Variants in ICAM2 observed in about 807,000 individuals in gnomAD.
The protein encoded by ICAM2 is ICAM-2.
ICAM2 carries 14 observed loss-of-function variants against 19.1 expected under a neutral mutation model. The ratio of observed to expected loss-of-function variants is 0.73; its 90% CI spans 0.48 to 1.15. The LOEUF (loss-of-function observed/expected upper bound fraction) is 1.15. Ranked by LOEUF, ICAM2 falls within the 50% of genes most tolerant of loss-of-function variation. ICAM2 has a pLI of 0.00. For synonymous variants in ICAM2, 153 were observed against 152.7 expected (o/e 1.00, Z -0.01); for missense variants, 311 against 355.4 (o/e 0.88, Z 1.00).
chr17:64,003,879 G>C lies in ICAM2; in HGVS notation c.414C>G (p.Thr138=), dbSNP rs1327768746. Residue 138 remains threonine, a synonymous_variant, in exon 4 of 5, where the codon ACC becomes ACG. Coordinates refer to ENST00000579788, the MANE Select transcript of ICAM2 (RefSeq NM_001099789.2). The part of the protein sequence containing the change: ...KSFTIECRVP[T]VEPLDSLTLF... ...GGGTGAGGCTGTCCAGGGGCTCCAC[G>C]GTGGGCACCCTGCACTCAATGGTGA... 1 of 1,614,060 alleles carries C rather than the reference G, an allele frequency of 6.2e-7. No individual in the cohort carries two copies. The highest frequency in any genetic ancestry group is 8.5e-7 in the Non-Finnish European group (1 of 1,180,034).
intron 4 of ICAM2, 118 bp downstream of exon 4, chr17:64,003,526 C>T (rs1467639729): frequency 1.2e-5 from 11 of 911,868 alleles, no homozygotes; most frequent in Non-Finnish European, 1.7e-5. Context: ...AGGGAAGCCT[C>T]AGGATGAAGG....
At chr17:64,016,542 A>C (rs1015721416) in intron 1 of ICAM2, among the ~76,000 whole-genome samples, 5 of 152,250 alleles carry the variant, frequency 3.3e-5, no homozygotes, top group African/African-American at 1.2e-4. Flanking sequence ...AGGTCCCTAG[A>C]ATGCGATCCT....
intron 1 of ICAM2, among the ~76,000 whole-genome samples, chr17:64,007,180 G>T (rs1911252270): frequency 6.6e-6 from 1 of 152,212 alleles, no homozygotes; most frequent in Non-Finnish European, 1.5e-5. Flanking sequence ...AAGCCTGGAG[G>T]GCAATTTGAG....
chr17:64,003,620 C>T (rs1443383094), intron 4 of ICAM2, 24 bp downstream of exon 4: 6 of 1,597,904 alleles, frequency 3.8e-6, no homozygotes, highest in Non-Finnish European at 5.1e-6. Context: ...TCACTCCCAA[C>T]TCCATCCACG....
At chr17:64,006,006 A>G (rs1911183587) in intron 2 of ICAM2, 1 of 155,166 alleles carries the variant, frequency 6.4e-6, no homozygotes, top group South Asian at 2.0e-4. Context: ...GGCCTCACCC[A>G]GATGGTGACT....
intron 1 of ICAM2, among the ~76,000 whole-genome samples, chr17:64,016,219 T>C (rs780781617): frequency 1.3e-5 from 2 of 152,172 alleles, no homozygotes; most frequent in African/African-American, 2.4e-5. Flanking sequence ...GGCATCACAT[T>C]CTAGTTGGGT....
At chr17:64,018,189 C>T (rs1911789965) in intron 1 of ICAM2, among the ~76,000 whole-genome samples, 2 of 151,812 alleles carry the variant, frequency 1.3e-5, no homozygotes, top group Admixed American at 6.6e-5. Context: ...AAAAAATTAG[C>T]CAGGCATGGT....
chr17:64,003,588 C>T (rs1910960874), intron 4 of ICAM2, 56 bp downstream of exon 4: 1 of 1,529,012 alleles, frequency 6.5e-7, no homozygotes, highest in South Asian at 1.2e-5. Flanking sequence ...TTTTCTTCCC[C>T]CGAGGGGCTG....
intron 1 of ICAM2, among the ~76,000 whole-genome samples, chr17:64,019,263 T>C (rs1354066330): frequency 6.6e-6 from 1 of 152,190 alleles, no homozygotes; most frequent in Middle Eastern, 3.2e-3. Context: ...TTCAAGACTG[T>C]AGTCCCAACT....
intron 4 of ICAM2, chr17:64,003,307 AGG>A (rs1266695661): frequency 2.3e-6 from 1 of 442,414 alleles, no homozygotes. Flanking sequence ...CCGGCCGTCC[AGG>A]GTCACCAAGC....
At chr17:64,008,729 G>T (rs1168642800) in intron 1 of ICAM2, among the ~76,000 whole-genome samples, 1 of 152,204 alleles carries the variant, frequency 6.6e-6, no homozygotes, top group African/African-American at 2.4e-5. Flanking sequence ...AGAGGGAAAA[G>T]CAACATAGCA....
chr17:64,014,918 A>C (rs1410125699), intron 1 of ICAM2, among the ~76,000 whole-genome samples: 1 of 152,160 alleles, frequency 6.6e-6, no homozygotes, highest in East Asian at 1.9e-4. Context: ...TCTCTATTAA[A>C]ATAAAAAATA....
chr17:64,011,860 G>A (rs911180844), intron 1 of ICAM2, among the ~76,000 whole-genome samples: 4 of 152,122 alleles, frequency 2.6e-5, no homozygotes, highest in African/African-American at 7.2e-5. Context: ...TAGAATGGAG[G>A]CTCCTCAAAA....
chr17:64,014,674 AAAGAAAGGAAGGAAGGAAGGAAGG>A (rs1172006362), intron 1 of ICAM2, among the ~76,000 whole-genome samples: 95 of 98,690 alleles, frequency 9.6e-4, no homozygotes, highest in Middle Eastern at 5.2e-3. Flanking sequence ...AGAGAGAAAG[AAAGAAAGGAAGGAAGGAAGGAAGG>A]AAGGAAGGAA....
chr17:64,006,303 A>T (rs1911204642), intron 2 of ICAM2: 1 of 239,842 alleles, frequency 4.2e-6, no homozygotes, highest in African/African-American at 2.3e-5. Context: ...GGATCACTTG[A>T]GTCCAGGAGT....
intron 2 of ICAM2, 119 bp from the exon 3 acceptor site, chr17:64,005,492 G>T: frequency 9.0e-7 from 1 of 1,116,196 alleles, no homozygotes; most frequent in Non-Finnish European, 1.3e-6. Context: ...AGGTCATTGG[G>T]GACCCCGCTG....
chr17:64,019,816 TCAAAAAAA>T (rs1911873129), intron 1 of ICAM2, among the ~76,000 whole-genome samples: 1 of 22,960 alleles, frequency 4.4e-5, no homozygotes, highest in African/African-American at 1.4e-4. Flanking sequence ...AAACTCTGTC[TCAAAAAAA>T]AAAAAAAAAA....
intron 1 of ICAM2, among the ~76,000 whole-genome samples, chr17:64,013,051 G>A (rs1046462425): frequency 6.6e-6 from 1 of 152,178 alleles, no homozygotes; most frequent in South Asian, 2.1e-4. Context: ...GGTGGCTTAT[G>A]CTGGTAATCC....
chr17:64,003,362 T>G, intron 4 of ICAM2: 1 of 493,790 alleles, frequency 2.0e-6, no homozygotes, highest in South Asian at 2.3e-5. Flanking sequence ...CAGGCCAAAC[T>G]TCTCATTGTG....
Sources: allele counts gnomAD v4.1 joint callset (sites outside exome capture counted in the v4.1 genomes callset), GRCh38; gene constraint gnomAD v4.1.1; transcripts MANE v1.5; gene names NCBI Gene and HGNC (gene_info 2026-07-23, HGNC 2026-07-21).